Variants in ABCA4 observed in about 807,000 individuals in gnomAD.
The protein encoded by ABCA4 is retinal-specific phospholipid-transporting ATPase ABCA4.
In ABCA4, 196 loss-of-function variants were observed where a neutral mutation model predicts 263.7. That is an observed-to-expected ratio of 0.74 (90% CI 0.66 to 0.84). ABCA4 has a LOEUF of 0.84. ABCA4 is among the 40% of genes least tolerant of loss of function. The pLI, the probability that ABCA4 is intolerant of heterozygous loss-of-function variation, is 0.00. For synonymous variants in ABCA4, 1,133 were observed against 1,094.2 expected (o/e 1.04, Z -0.70); for missense variants, 2,792 against 2,855.1 (o/e 0.98, Z 0.50).
At chr1:94,082,035 C>T (rs934615988) in intron 7 of ABCA4, among the ~76,000 whole-genome samples, 1 of 152,198 alleles carries the variant, frequency 6.6e-6, no homozygotes, top group Non-Finnish European at 1.5e-5. Context: ...TACGTGTCAT[C>T]CCTCTCTTTG....
intron 8 of ABCA4, 107 bp downstream of exon 8, chr1:94,080,371 C>T: frequency 1.3e-6 from 2 of 1,506,770 alleles, no homozygotes; most frequent in Non-Finnish European, 1.8e-6. Flanking sequence ...GGCCACTCAG[C>T]AAGACAAGAC....
intron 14 of ABCA4, among the ~76,000 whole-genome samples, chr1:94,058,174 C>A (rs937244405): frequency 6.6e-6 from 1 of 152,130 alleles, no homozygotes; most frequent in African/African-American, 2.4e-5. Context: ...AAGAGACCCA[C>A]GCTTAACTGG....
intron 31 of ABCA4, among the ~76,000 whole-genome samples, chr1:94,024,468 G>A (rs560977437): frequency 2.0e-5 from 3 of 152,230 alleles, no homozygotes; most frequent in East Asian, 3.9e-4. Flanking sequence ...GACCTGGCTC[G>A]CCCTGGCGTG....
chr1:93,995,985 G>A, intron 49 of ABCA4, 124 bp downstream of exon 49: 3 of 791,738 alleles, frequency 3.8e-6, no homozygotes, highest in South Asian at 1.5e-5. Flanking sequence ...AGGGACCGTG[G>A]TGTGGGTGGG....
At chr1:94,000,652 A>G (rs375970783) in intron 47 of ABCA4, among the ~76,000 whole-genome samples, 184 bp downstream of exon 47, 1 of 152,188 alleles carries the variant, frequency 6.6e-6, no homozygotes, top group African/African-American at 2.4e-5. Flanking sequence ...AGGCCAATAT[A>G]GAGGAGTTTC....
chr1:94,027,310 T>C (rs537797033), intron 30 of ABCA4, among the ~76,000 whole-genome samples: 3 of 152,028 alleles, frequency 2.0e-5, no homozygotes, highest in African/African-American at 4.8e-5. Context: ...GAAGTAAGGG[T>C]TCGTTTAGGA....
intron 1 of ABCA4, among the ~76,000 whole-genome samples, chr1:94,116,968 C>CTCTT (rs57665252): frequency 0.17 from 17,110 of 99,594 alleles, 1,517 homozygotes; most frequent in Middle Eastern, 0.2. Context: ...TTCTTTCTTT[C>CTCTT]TCTTTCTTTC....
Position 93,999,493 on chromosome 1 carries a change from A to G in ABCA4, c.6479+1343T>C, listed in dbSNP as rs1384086803. Among the ~76,000 whole-genome samples the G allele has an allele frequency of 2.0e-5, 3 of 152,286 alleles. No individual in the cohort carries two copies. The East Asian group carries it at 5.8e-4, about 29-fold the overall frequency. Reference sequence around the variant, plus strand: ...AGCACTTCCCTGAGGAAGCTTCCTGAAACAATGGAGCTGCTAGGGCTTGGG... The same window carrying G: ...AGCACTTCCCTGAGGAAGCTTCCTGGAACAATGGAGCTGCTAGGGCTTGGG... On this transcript the variant is annotated intron_variant, in intron 47 of 49. Coordinates refer to ENST00000370225, the MANE Select transcript of ABCA4 (RefSeq NM_000350.3).
intron 1 of ABCA4, among the ~76,000 whole-genome samples, chr1:94,120,484 G>A (rs975147085): frequency 6.6e-6 from 1 of 152,164 alleles, no homozygotes; most frequent in South Asian, 2.1e-4. Context: ...TGACTTGATC[G>A]TGAGCTGCAT....
rs1276417785 is a variant in ABCA4, at chr1:94,048,956, C to T, written c.2655G>A (p.Gly885=). The part of the protein sequence containing the change: ...LQESYWLGGE[G]CSTREERALE... ...GGGCTCTTTCTTCTCTGGTTGAACA[C>T]CCTGCACCAATCAGAAGCCAGTGTT... The change falls in exon 18 of 50, where the codon GGG becomes GGA. Residue 885 remains glycine, a splice_region_variant and synonymous_variant. Transcript: ENST00000370225. 1.9e-6 allele frequency: 3 copies of T among 1,613,800 alleles called. No homozygotes were observed. The highest frequency in any genetic ancestry group is 2.7e-5 in the African/African-American group (2 of 74,852).
intron 11 of ABCA4, among the ~76,000 whole-genome samples, chr1:94,064,913 C>T (rs1661224726): frequency 6.6e-6 from 1 of 151,996 alleles, no homozygotes; most frequent in African/African-American, 2.4e-5. Flanking sequence ...TGGGATCAGA[C>T]TATGATCACT....
intron 32 of ABCA4, 73 bp from the exon 33 acceptor site, chr1:94,022,024 G>C: frequency 1.6e-6 from 2 of 1,289,344 alleles, no homozygotes; most frequent in Non-Finnish European, 2.2e-6. Flanking sequence ...CTCGGGTTTT[G>C]TAGGGAAACA....
At position 94,020,062 on chromosome 1, in the gene ABCA4, G is replaced by A. The variant is rs554955143; in HGVS notation, c.5019-303C>T. Reference sequence around the variant, plus strand: ...AAATAGATGTTTATATTAATCTTATGTACTGCAATGCTCTCATTAGCTCTA... The same window carrying A: ...AAATAGATGTTTATATTAATCTTATATACTGCAATGCTCTCATTAGCTCTA... On this transcript the variant is annotated intron_variant, in intron 35 of 49. Transcript: ENST00000370225. Among the ~76,000 whole-genome samples the A allele has an allele frequency of 1.1e-4, 16 of 152,230 alleles. No homozygotes were observed. In the South Asian group the frequency reaches 3.3e-3, roughly 32 times the overall value.
chr1:94,002,124 G>A (rs749149139), intron 44 of ABCA4, 132 bp from the exon 45 acceptor site: 52 of 1,367,534 alleles, frequency 3.8e-5, no homozygotes, highest in Non-Finnish European at 5.0e-5. Context: ...ACAGGCTCCT[G>A]CTGGCTCCTG....
In ABCA4 at chr1:94,083,349, C is replaced by T. The variant is rs1284690520; in HGVS notation, c.858+3G>A. On this transcript the variant is annotated splice_donor_region_variant and intron_variant, in intron 7 of 49. Transcript: ENST00000370225. ...TTATAATTACTACCATCAGGCTACT[C>T]ACCTCTTGAATTCTTGGTGACATAT... 3.8e-6 allele frequency: 6 copies of T among 1,598,644 alleles called. No homozygotes were observed. The South Asian group carries it at 6.6e-5, about 18-fold the overall frequency.
Position 94,059,151 on chromosome 1 carries a change from GGCTGTT to G in ABCA4, c.2160+1380_2160+1385del, listed in dbSNP as rs1304704900. Among the ~76,000 whole-genome samples, 12 of 152,314 alleles carry G rather than the reference GGCTGTT, an allele frequency of 7.9e-5. 1 individual carries two copies. Among genetic ancestry groups the G allele is most frequent in the Admixed American group, 3.9e-4 (6 of 15,302 alleles). On this transcript the variant is annotated intron_variant, in intron 14 of 49. Transcript: ENST00000370225. ...ATCAACAAGCCAGGCAAAATCTCAT[GGCTGTT>G]GCTAGTCAGATGTTTACACATTTTT... is the stretch of plus-strand genomic sequence containing the variant.
chr1:94,119,886 G>T (rs1411139770), intron 1 of ABCA4, among the ~76,000 whole-genome samples: 4 of 152,106 alleles, frequency 2.6e-5, no homozygotes, highest in African/African-American at 4.8e-5. Context: ...AACAAATACT[G>T]TTCTCTTCTC....
At chr1:94,031,710 T>A in intron 27 of ABCA4, 68 bp downstream of exon 27, 1 of 1,600,846 alleles carries the variant, frequency 6.2e-7, no homozygotes, top group East Asian at 2.2e-5. Flanking sequence ...GAAGGAACAC[T>A]CAGGAGAGGA....
chr1:94,087,448 A>G (rs1661860867), intron 6 of ABCA4, among the ~76,000 whole-genome samples: 2 of 152,346 alleles, frequency 1.3e-5, no homozygotes, highest in Non-Finnish European at 2.9e-5. Flanking sequence ...AGCCTATGGC[A>G]CAATGGTAAC....
Sources: allele counts gnomAD v4.1 joint callset (sites outside exome capture counted in the v4.1 genomes callset), GRCh38; gene constraint gnomAD v4.1.1; transcripts MANE v1.5; gene names NCBI Gene and HGNC (gene_info 2026-07-23, HGNC 2026-07-21).